Variants in DLGAP2 observed in about 807,000 individuals in gnomAD.
The protein encoded by DLGAP2 is DLG associated protein 2.
In DLGAP2, 26 loss-of-function variants were observed where a neutral mutation model predicts 100.3. The ratio of observed to expected loss-of-function variants is 0.26; its 90% CI spans 0.19 to 0.36. The LOEUF (loss-of-function observed/expected upper bound fraction) is 0.36, where lower values mean the gene tolerates loss of function less well. Ranked by LOEUF, DLGAP2 falls within the 10% of genes least tolerant of loss-of-function variation. The probability of loss-of-function intolerance (pLI) is 1.00; values close to 1 mark genes in which losing one functional copy is unlikely to be tolerated. For missense variants in DLGAP2, 1,858 were observed against 1,453.2 expected, an observed-to-expected ratio of 1.28 and a Z score of -4.53; for synonymous variants, 886 against 630.1, an observed-to-expected ratio of 1.41 and a Z score of -6.08.
intron 2 of DLGAP2, among the ~76,000 whole-genome samples, chr8:912,110 C>G (rs567779642): frequency 1.8e-4 from 27 of 152,196 alleles, no homozygotes; most frequent in Admixed American, 7.8e-4. Context: ...TCTACTGCCA[C>G]GAATAATTAG....
At chr8:773,390 A>C (rs1054425975) in intron 1 of DLGAP2, among the ~76,000 whole-genome samples, 1 of 151,186 alleles carries the variant, frequency 6.6e-6, no homozygotes, top group Non-Finnish European at 1.5e-5. Context: ...GTACATGTGC[A>C]CATTGTGCAG....
chr8:1,662,995 G>A (rs574752824), intron 8 of DLGAP2, among the ~76,000 whole-genome samples: 2 of 150,558 alleles, frequency 1.3e-5, no homozygotes, highest in East Asian at 3.9e-4. Context: ...ACATGTGTGA[G>A]TGTGGGGTGT....
chr8:1,434,126 G>A (rs1055794703), intron 3 of DLGAP2, among the ~76,000 whole-genome samples: 6 of 152,108 alleles, frequency 3.9e-5, no homozygotes, highest in African/African-American at 1.2e-4. Flanking sequence ...AGACGTGGCC[G>A]CAGGGCTGAG....
chr8:1,083,054 G>C (rs922708536), intron 2 of DLGAP2, among the ~76,000 whole-genome samples: 21 of 152,194 alleles, frequency 1.4e-4, no homozygotes, highest in Non-Finnish European at 2.6e-4. Flanking sequence ...AGTCCATGCT[G>C]AGTTTGCTGT....
chr8:834,550 A>G lies in DLGAP2; in HGVS notation c.19-73362A>G, dbSNP rs143079041. ...CTGTCTTCCACCTACCTGCACTTTAACTTGTGATTGTTTTAAGAGTGGTTA... is the reference window on the plus strand; with the variant it reads ...CTGTCTTCCACCTACCTGCACTTTAGCTTGTGATTGTTTTAAGAGTGGTTA... On this transcript the variant is annotated intron_variant, in intron 1 of 14. Transcript: ENST00000637795. Among the ~76,000 whole-genome samples the G allele has an allele frequency of 2.2e-3, 342 of 152,284 alleles. 1 individual carries two copies. The highest frequency in any genetic ancestry group is 7.1e-3 in the African/African-American group (296 of 41,548).
At chr8:900,077 G>A (rs1798218921) in intron 1 of DLGAP2, among the ~76,000 whole-genome samples, 1 of 152,256 alleles carries the variant, frequency 6.6e-6, no homozygotes, top group Admixed American at 6.5e-5. Flanking sequence ...AATAAAGGAG[G>A]ACAGAGGGCA....
At chr8:885,499 T>C (rs1797905649) in intron 1 of DLGAP2, among the ~76,000 whole-genome samples, 1 of 152,238 alleles carries the variant, frequency 6.6e-6, no homozygotes, top group African/African-American at 2.4e-5. Context: ...CTGAAGTTGG[T>C]TATCAGTTCA....
chr8:1,358,053 G>A (rs148080786), intron 3 of DLGAP2, among the ~76,000 whole-genome samples: 92 of 152,298 alleles, frequency 6.0e-4, no homozygotes, highest in East Asian at 4.8e-3. Flanking sequence ...AGGTGCTCCA[G>A]GAGTGGGGGC....
intron 2 of DLGAP2, among the ~76,000 whole-genome samples, chr8:1,251,789 CCA>C (rs1799046087): frequency 6.6e-6 from 1 of 152,182 alleles, no homozygotes; most frequent in Non-Finnish European, 1.5e-5. Context: ...TTGTGGTGTC[CCA>C]CAGTCACGTC....
intron 6 of DLGAP2, among the ~76,000 whole-genome samples, chr8:1,567,239 C>T (rs1802439840): frequency 6.6e-6 from 1 of 152,216 alleles, no homozygotes; most frequent in South Asian, 2.1e-4. Context: ...GATGTCAGCT[C>T]TCACCCACCT....
chr8:1,644,926 A>C (rs934608214), intron 8 of DLGAP2, among the ~76,000 whole-genome samples: 1 of 152,248 alleles, frequency 6.6e-6, no homozygotes, highest in Admixed American at 6.5e-5. Context: ...TCTTAGGGAA[A>C]AAAAACTAGA....
chr8:1,077,558 A>G (rs2129038725), intron 2 of DLGAP2, among the ~76,000 whole-genome samples: 1 of 152,300 alleles, frequency 6.6e-6, no homozygotes, highest in South Asian at 2.1e-4. Context: ...GTACTTCATA[A>G]TATCAACTGG....
At chr8:1,090,346 G>T (rs1486890493) in intron 2 of DLGAP2, among the ~76,000 whole-genome samples, 3 of 132,688 alleles carry the variant, frequency 2.3e-5, no homozygotes, top group Non-Finnish European at 5.2e-5. Context: ...GCCCTCTGGG[G>T]CCCTCCTGGC....
At chr8:788,094 C>T (rs1289801116) in intron 1 of DLGAP2, among the ~76,000 whole-genome samples, 1 of 152,190 alleles carries the variant, frequency 6.6e-6, no homozygotes, top group Non-Finnish European at 1.5e-5. Context: ...TATGTTGGGT[C>T]TCCCCCCACC....
At chr8:1,138,514 C>T (rs1796463524) in intron 2 of DLGAP2, among the ~76,000 whole-genome samples, 2 of 152,218 alleles carry the variant, frequency 1.3e-5, no homozygotes, top group African/African-American at 4.8e-5. Flanking sequence ...TTGAATAGAG[C>T]AGGCTGGGGT....
At chr8:1,327,408 T>C (rs55865469) in intron 3 of DLGAP2, among the ~76,000 whole-genome samples, 2,063 of 152,342 alleles carry the variant, frequency 0.014, 18 homozygotes, top group Middle Eastern at 0.061. Flanking sequence ...TATGCCTGAG[T>C]CATCATTCCA....
chr8:945,164 T>A (rs554934847), intron 2 of DLGAP2, among the ~76,000 whole-genome samples: 44 of 152,226 alleles, frequency 2.9e-4, no homozygotes, highest in Non-Finnish European at 5.3e-4. Context: ...CTTTTGTTTT[T>A]ATTTTTCCAT....
At chr8:1,047,411 T>A (rs1283478475) in intron 2 of DLGAP2, among the ~76,000 whole-genome samples, 4 of 152,246 alleles carry the variant, frequency 2.6e-5, no homozygotes, top group Non-Finnish European at 5.9e-5. Context: ...CAGTTAATGA[T>A]CCCATATTTT....
At chr8:1,672,601 G>A (rs1189811716) in intron 10 of DLGAP2, among the ~76,000 whole-genome samples, 2 of 152,212 alleles carry the variant, frequency 1.3e-5, no homozygotes, top group Admixed American at 6.5e-5. Context: ...AGACTCTGCG[G>A]CTGTCCATTC....
Sources: gnomAD v4.1 joint callset for allele counts (sites outside exome capture counted in the v4.1 genomes callset) on GRCh38, gnomAD v4.1.1 for gene constraint, MANE v1.5 for transcripts, NCBI Gene and HGNC (gene_info 2026-07-23, HGNC 2026-07-21) for gene names.